SLC30A8: variants seen among roughly 807,000 people sequenced by gnomAD.
The protein encoded by SLC30A8 is proton-coupled zinc antiporter SLC30A8.
In SLC30A8, 27 loss-of-function variants were observed where a neutral mutation model predicts 36.9. The ratio of observed to expected loss-of-function variants is 0.73; its 90% CI spans 0.54 to 1.01. The LOEUF (loss-of-function observed/expected upper bound fraction) is 1.01, where lower values mean the gene tolerates loss of function less well. SLC30A8 is among the 50% of genes least tolerant of loss of function. SLC30A8 has a pLI of 0.00. For missense variants in SLC30A8, 439 were observed against 452.0 expected (o/e 0.97, Z 0.26); for synonymous variants, 164 against 172.4 (o/e 0.95, Z 0.38).
chr8:117,116,440 A>G (rs1198152523), intron 2 of SLC30A8, among the ~76,000 whole-genome samples: 1 of 151,954 alleles, frequency 6.6e-6, no homozygotes, highest in Non-Finnish European at 1.5e-5. Context: ...ATATTGTGTG[A>G]CTCCTGTTCA....
chr8:116,978,025 G>GC (rs1815113205), intron 1 of SLC30A8, among the ~76,000 whole-genome samples: 2 of 151,986 alleles, frequency 1.3e-5, no homozygotes, highest in Admixed American at 1.3e-4. Context: ...GAGCTATCTT[G>GC]CCAACTTTGG....
At chr8:117,139,061 G>A (rs1821510049) in intron 1 of SLC30A8, among the ~76,000 whole-genome samples, 1 of 152,036 alleles carries the variant, frequency 6.6e-6, no homozygotes, top group Non-Finnish European at 1.5e-5. Context: ...GATAGTGGCA[G>A]ACCAGCTAGA....
chr8:116,958,092 T>G (rs1354308994), intron 1 of SLC30A8, among the ~76,000 whole-genome samples: 1 of 152,214 alleles, frequency 6.6e-6, no homozygotes, highest in Non-Finnish European at 1.5e-5. Context: ...TATCACTTAT[T>G]TTCTTCAACT....
At chr8:116,974,842 G>C (rs141963237) in intron 1 of SLC30A8, among the ~76,000 whole-genome samples, 91 of 152,156 alleles carry the variant, frequency 6.0e-4, no homozygotes, top group Admixed American at 9.8e-4. Context: ...ATACTCCATG[G>C]TATACTATGC....
At chr8:117,017,526 C>A (rs7011188) in intron 1 of SLC30A8, among the ~76,000 whole-genome samples, 97,655 of 152,104 alleles carry the variant, frequency 0.64, 32,380 homozygotes, top group African/African-American at 0.81. Flanking sequence ...AAGCAAGGCA[C>A]CAGCCAACAC....
intron 2 of SLC30A8, among the ~76,000 whole-genome samples, chr8:117,093,750 C>T (rs1253647017): frequency 6.6e-6 from 1 of 152,208 alleles, no homozygotes; most frequent in Non-Finnish European, 1.5e-5. Flanking sequence ...GTGCCTTTGC[C>T]TGAGTTTTGC....
At chr8:117,094,123 C>T (rs900604897) in intron 2 of SLC30A8, among the ~76,000 whole-genome samples, 4 of 152,374 alleles carry the variant, frequency 2.6e-5, no homozygotes, top group East Asian at 3.9e-4. Flanking sequence ...CCCCTAGGTT[C>T]GGGCTCCCCG....
intron 2 of SLC30A8, among the ~76,000 whole-genome samples, chr8:117,091,518 A>G (rs1819124886): frequency 6.6e-6 from 1 of 152,106 alleles, no homozygotes; most frequent in Admixed American, 6.6e-5. Flanking sequence ...TTGTCATGGC[A>G]AGCGTATGGT....
At chr8:117,045,859 G>T (rs565383475) in intron 2 of SLC30A8, among the ~76,000 whole-genome samples, 44 of 152,014 alleles carry the variant, frequency 2.9e-4, no homozygotes, top group African/African-American at 1.1e-3. Flanking sequence ...CGGATCTCTG[G>T]CATGGTCTCT....
chr8:116,955,740 A>T (rs1019855415), intron 1 of SLC30A8, among the ~76,000 whole-genome samples: 2 of 152,008 alleles, frequency 1.3e-5, no homozygotes, highest in Admixed American at 6.6e-5. Context: ...AAAAAATAAA[A>T]AAAAAGAAAA....
At chr8:117,054,863 C>G (rs1212261139) in intron 2 of SLC30A8, among the ~76,000 whole-genome samples, 2 of 152,058 alleles carry the variant, frequency 1.3e-5, no homozygotes, top group African/African-American at 4.8e-5. Flanking sequence ...TTATTCAGAG[C>G]CCTAAAAGTC....
intron 6 of SLC30A8, among the ~76,000 whole-genome samples, chr8:117,167,496 T>TATATATATATATATATATAC (rs1403884282): frequency 1.4e-4 from 19 of 140,572 alleles, no homozygotes; most frequent in African/African-American, 5.6e-4. Context: ...TATATATACA[T>TATATATATATATATATATAC]ACATACATGT....
intron 2 of SLC30A8, among the ~76,000 whole-genome samples, chr8:117,112,837 T>C (rs1820290110): frequency 6.6e-6 from 1 of 152,066 alleles, no homozygotes; most frequent in Non-Finnish European, 1.5e-5. Context: ...TTCCTTCAAG[T>C]GTGATCACAT....
intron 1 of SLC30A8, among the ~76,000 whole-genome samples, chr8:117,007,750 T>C (rs1816229162): frequency 1.3e-5 from 2 of 152,134 alleles, no homozygotes. Context: ...AGAGATTAAA[T>C]AACTTGTGTA....
At chr8:117,098,562 C>T (rs1819569078) in intron 2 of SLC30A8, among the ~76,000 whole-genome samples, 1 of 152,094 alleles carries the variant, frequency 6.6e-6, no homozygotes, top group Admixed American at 6.6e-5. Context: ...GAAACAGGCA[C>T]TAAGTGAGAA....
chr8:117,075,238 A>G (rs995223675), intron 2 of SLC30A8, among the ~76,000 whole-genome samples: 6 of 152,118 alleles, frequency 3.9e-5, no homozygotes, highest in Admixed American at 1.3e-4. Flanking sequence ...ATTTCATAGG[A>G]GAAAACTATG....
At position 117,110,647 on chromosome 8, in the gene SLC30A8, G is replaced by A. The variant is rs372057621; in HGVS notation, c.-225-24633G>A. Among the ~76,000 whole-genome samples the A allele has an allele frequency of 2.1e-4, 32 of 152,312 alleles. 1 individual carries two copies. Among genetic ancestry groups the A allele is most frequent in the Admixed American group, 1.2e-3 (19 of 15,300 alleles). On this transcript the variant is annotated intron_variant, in intron 2 of 10. Transcript: ENST00000427715. The stretch of plus-strand genomic sequence containing the variant: ...AGACTCTCTGAGAGGATCAAGGAAT[G>A]GGCTGAGAAGGGTCCGTCCTCTGCA...
chr8:117,094,169 C>G (rs1015571072), intron 2 of SLC30A8, among the ~76,000 whole-genome samples: 1 of 152,258 alleles, frequency 6.6e-6, no homozygotes, highest in Non-Finnish European at 1.5e-5. Flanking sequence ...TCTCTCTTCT[C>G]CTTCTTGGTA....
At chr8:117,156,850 T>C (rs1285102346) in intron 3 of SLC30A8, among the ~76,000 whole-genome samples, 1 of 152,204 alleles carries the variant, frequency 6.6e-6, no homozygotes, top group African/African-American at 2.4e-5. Context: ...GGTAATAATA[T>C]ATTACATTAC....
Sources: gnomAD v4.1 joint callset for allele counts (sites outside exome capture counted in the v4.1 genomes callset) on GRCh38, gnomAD v4.1.1 for gene constraint, MANE v1.5 for transcripts, NCBI Gene and HGNC (gene_info 2026-07-23, HGNC 2026-07-21) for gene names.